ADGRL2: variants seen among roughly 807,000 people sequenced by gnomAD.
ADGRL2 encodes the protein adhesion G protein-coupled receptor L2, also known as calcium-independent alpha-latrotoxin receptor 2.
A neutral mutation model predicts 157.4 loss-of-function variants in ADGRL2; 44 were observed. That is an observed-to-expected ratio of 0.28 (90% CI 0.22 to 0.36). ADGRL2 has a LOEUF of 0.36. ADGRL2 is among the 10% of genes least tolerant of loss of function. The pLI is 1.00. For synonymous variants in ADGRL2, 585 were observed against 624.7 expected (o/e 0.94, Z 0.95); for missense variants, 1,510 against 1,768.9 (o/e 0.85, Z 2.63).
At chr1:81,475,874 G>A (rs1278893575) in intron 2 of ADGRL2, among the ~76,000 whole-genome samples, 1 of 152,156 alleles carries the variant, frequency 6.6e-6, no homozygotes, top group Non-Finnish European at 1.5e-5. Context: ...GTGTAGGAAA[G>A]CTGTCATGAG....
intron 2 of ADGRL2, among the ~76,000 whole-genome samples, chr1:81,566,578 G>A (rs2080568102): frequency 6.6e-6 from 1 of 152,100 alleles, no homozygotes. Context: ...ACTTGGAACT[G>A]AAATCATCAT....
intron 3 of ADGRL2, among the ~76,000 whole-genome samples, chr1:81,636,893 T>A (rs927220078): frequency 6.6e-6 from 1 of 152,174 alleles, no homozygotes; most frequent in African/African-American, 2.4e-5. Context: ...GGGAGTGCAG[T>A]GGCGCGATCT....
chr1:81,902,455 G>A lies in ADGRL2; in HGVS notation c.74-4562G>A, dbSNP rs181563226. ...TCTACTAAAAATACAAAAATTAGCC[G>A]GTCATGGTGGTGCGCACCTGTGGTC... On this transcript the variant is annotated intron_variant, in intron 2 of 23. Transcript: ENST00000686636. Among the ~76,000 whole-genome samples, 8 of 152,106 alleles carry A rather than the reference G, an allele frequency of 5.3e-5. No homozygotes were observed. In the South Asian group the frequency reaches 1.2e-3, roughly 24 times the overall value.
chr1:81,914,647 C>T (rs1466245794), intron 3 of ADGRL2, among the ~76,000 whole-genome samples: 3 of 152,130 alleles, frequency 2.0e-5, no homozygotes, highest in Non-Finnish European at 4.4e-5. Flanking sequence ...CTTGGCCGCT[C>T]CTAACCCATC....
At chr1:81,442,130 A>G (rs2077518739) in intron 1 of ADGRL2, among the ~76,000 whole-genome samples, 1 of 152,202 alleles carries the variant, frequency 6.6e-6, no homozygotes, top group Admixed American at 6.5e-5. Flanking sequence ...ATTCATTGAA[A>G]CTTACATTAT....
chr1:81,632,672 T>C (rs1205502008), intron 3 of ADGRL2, among the ~76,000 whole-genome samples: 1 of 150,978 alleles, frequency 6.6e-6, no homozygotes, highest in Non-Finnish European at 1.5e-5. Flanking sequence ...GGCAGGAGAA[T>C]AGCGTGAACC....
chr1:81,863,514 G>A (rs1404827790), intron 2 of ADGRL2, among the ~76,000 whole-genome samples: 3 of 152,112 alleles, frequency 2.0e-5, no homozygotes, highest in Non-Finnish European at 4.4e-5. Context: ...AGGACTCTTT[G>A]CCCTAAATAG....
At chr1:81,469,390 T>C (rs1024130491) in intron 2 of ADGRL2, among the ~76,000 whole-genome samples, 5 of 152,202 alleles carry the variant, frequency 3.3e-5, no homozygotes, top group African/African-American at 1.2e-4. Flanking sequence ...AAGCGTCACA[T>C]CAACATACCC....
intron 2 of ADGRL2, among the ~76,000 whole-genome samples, chr1:81,848,944 A>G (rs1001626825): frequency 6.6e-6 from 1 of 151,940 alleles, no homozygotes; most frequent in Non-Finnish European, 1.5e-5. Flanking sequence ...CCCCTCCTTC[A>G]GGTATGTGTT....
intron 3 of ADGRL2, among the ~76,000 whole-genome samples, chr1:81,608,795 A>C (rs1429344649): frequency 6.6e-6 from 1 of 152,046 alleles, no homozygotes; most frequent in Non-Finnish European, 1.5e-5. Flanking sequence ...TCTTCTCCCC[A>C]ATATTACTTG....
At chr1:81,659,446 C>T (rs942091218) in intron 3 of ADGRL2, among the ~76,000 whole-genome samples, 7 of 152,126 alleles carry the variant, frequency 4.6e-5, no homozygotes, top group South Asian at 2.1e-4. Context: ...AAAGGATAAA[C>T]GTAGAGGGGA....
At chr1:81,883,330 G>A (rs1178287922) in intron 2 of ADGRL2, among the ~76,000 whole-genome samples, 3 of 152,064 alleles carry the variant, frequency 2.0e-5, no homozygotes, top group Non-Finnish European at 4.4e-5. Context: ...TCAGATATTA[G>A]CATTCAGCGT....
intron 1 of ADGRL2, among the ~76,000 whole-genome samples, chr1:81,706,110 A>T (rs1016106382): frequency 6.6e-6 from 1 of 152,058 alleles, no homozygotes; most frequent in Non-Finnish European, 1.5e-5. Context: ...GAGGCAGGAG[A>T]ATCACTTGAA....
chr1:81,788,786 G>A (rs11586395), intron 2 of ADGRL2, among the ~76,000 whole-genome samples: 6,716 of 152,176 alleles, frequency 0.044, 202 homozygotes, highest in Middle Eastern at 0.1. Flanking sequence ...CACGATATGG[G>A]CTCACTGCAA....
At chr1:81,604,360 C>T (rs1052779948) in intron 3 of ADGRL2, among the ~76,000 whole-genome samples, 10 of 152,120 alleles carry the variant, frequency 6.6e-5, no homozygotes, top group African/African-American at 1.9e-4. Flanking sequence ...TTTCCCCATG[C>T]GGGGCATTGT....
intron 1 of ADGRL2, among the ~76,000 whole-genome samples, chr1:81,708,819 T>C (rs916106943): frequency 6.6e-6 from 1 of 152,150 alleles, no homozygotes; most frequent in African/African-American, 2.4e-5. Flanking sequence ...GCTTTGGGCT[T>C]GTATAAGCTT....
chr1:81,692,815 A>G (rs2148997012), intron 3 of ADGRL2, among the ~76,000 whole-genome samples: 1 of 152,284 alleles, frequency 6.6e-6, no homozygotes, highest in South Asian at 2.1e-4. Context: ...AAATTTGGAG[A>G]TTTCACATAA....
chr1:81,775,294 A>T (rs775866280), intron 2 of ADGRL2, among the ~76,000 whole-genome samples: 11 of 152,168 alleles, frequency 7.2e-5, no homozygotes, highest in Non-Finnish European at 1.5e-4. Flanking sequence ...CTTTGTGTCT[A>T]CTCATAGAGA....
intron 2 of ADGRL2, among the ~76,000 whole-genome samples, chr1:81,485,581 G>A (rs573132592): frequency 5.2e-4 from 79 of 152,222 alleles, no homozygotes; most frequent in Non-Finnish European, 9.1e-4. Flanking sequence ...CTTAAAAGAT[G>A]TTTCTAGAAT....
Sources: gnomAD v4.1 joint callset for allele counts (sites outside exome capture counted in the v4.1 genomes callset) on GRCh38, gnomAD v4.1.1 for gene constraint, MANE v1.5 for transcripts, NCBI Gene and HGNC (gene_info 2026-07-23, HGNC 2026-07-21) for gene names.